MBNL2: variants seen among roughly 807,000 people sequenced by gnomAD.
MBNL2 encodes the protein muscleblind-like protein 2.
In MBNL2, 17 loss-of-function variants were observed where a neutral mutation model predicts 41.9. The observed-to-expected ratio is 0.41, with a 90% CI of 0.28 to 0.61. The LOEUF is 0.61. MBNL2 is among the 20% of genes least tolerant of loss of function. The pLI is 0.35. For synonymous variants in MBNL2, 195 were observed against 182.9 expected, an observed-to-expected ratio of 1.07 and a Z score of -0.53; for missense variants, 336 against 505.6, an observed-to-expected ratio of 0.66 and a Z score of 3.22.
At chr13:97,370,655 G>A (rs2064275936) in intron 8 of MBNL2, among the ~76,000 whole-genome samples, 1 of 141,824 alleles carries the variant, frequency 7.1e-6, no homozygotes, top group South Asian at 2.2e-4. Flanking sequence ...GCCAACAAGA[G>A]GGAAACTCCG....
chr13:97,219,495 A>AG (rs201945874), upstream of MBNL2, among the ~76,000 whole-genome samples: 1,932 of 152,340 alleles, frequency 0.013, 47 homozygotes, highest in African/African-American at 0.043. Flanking sequence ...GTCCAACGTC[A>AG]GAGTGCCAGC....
Position 97,278,251 on chromosome 13 carries a change from C to CAAAAAAAAAA in MBNL2, c.174+1859_174+1868dup, listed in dbSNP as rs10606011. On this transcript the variant is annotated intron_variant, in intron 2 of 8. Transcript: ENST00000679496. ...CCTGGGTGATAGAGTGAGACTGTCT[C>CAAAAAAAAAA]AAAAAAAAAAAAAAAAAAAAAAAAA... Among the ~76,000 whole-genome samples the CAAAAAAAAAA allele has an allele frequency of 1.2e-3, 48 of 40,530 alleles. 2 individuals are homozygous for CAAAAAAAAAA. The highest frequency in any genetic ancestry group is 5.1e-3 in the African/African-American group (45 of 8,834). 26.6% of individuals were successfully genotyped at this position (40,530 alleles called of 152,430 possible).
At chr13:97,167,883 A>T in the MBNL2 span, among the ~76,000 whole-genome samples, 2 of 152,182 alleles carry the variant, frequency 1.3e-5, no homozygotes, top group Non-Finnish European at 2.9e-5. Flanking sequence ...TATTTGTCAA[A>T]TTAAATTAAT....
chr13:97,266,174 G>A (rs2049745958), intron 1 of MBNL2, among the ~76,000 whole-genome samples: 2 of 152,030 alleles, frequency 1.3e-5, no homozygotes, highest in Admixed American at 6.6e-5. Context: ...CCTGGGAGGC[G>A]GAGGTTGCAG....
At chr13:97,354,328 T>A (rs1459844953) in intron 5 of MBNL2, among the ~76,000 whole-genome samples, 5 of 152,202 alleles carry the variant, frequency 3.3e-5, no homozygotes, top group Non-Finnish European at 7.3e-5. Flanking sequence ...AAACTGAGCA[T>A]CTGTATATGA....
At chr13:97,386,188 A>G (rs1014093216) in intron 8 of MBNL2, among the ~76,000 whole-genome samples, 1 of 152,194 alleles carries the variant, frequency 6.6e-6, no homozygotes, top group Admixed American at 6.5e-5. Flanking sequence ...TCTCACTCTT[A>G]CCACTGCTGC....
chr13:97,239,221 C>A (rs2043829593), intron 1 of MBNL2, among the ~76,000 whole-genome samples: 1 of 152,226 alleles, frequency 6.6e-6, no homozygotes, highest in South Asian at 2.1e-4. Flanking sequence ...AGGGTATCAG[C>A]AAAGGCTAAT....
chr13:97,179,905 G>A, the MBNL2 span, among the ~76,000 whole-genome samples: 1 of 152,214 alleles, frequency 6.6e-6, no homozygotes, highest in Admixed American at 6.5e-5. Context: ...ATGTCACAGG[G>A]CCTTTTGTTC....
chr13:97,245,284 G>A (rs557425367), intron 1 of MBNL2, among the ~76,000 whole-genome samples: 1 of 152,276 alleles, frequency 6.6e-6, no homozygotes, highest in East Asian at 1.9e-4. Context: ...AGAAGTTTTT[G>A]GGTGCCAAGT....
intron 1 of MBNL2, among the ~76,000 whole-genome samples, chr13:97,267,919 G>A (rs549013104): frequency 1.3e-5 from 2 of 152,320 alleles, no homozygotes; most frequent in South Asian, 2.1e-4. Flanking sequence ...GCACACAGAA[G>A]GCAAGGAATG....
intron 2 of MBNL2, among the ~76,000 whole-genome samples, chr13:97,299,646 C>CTATA (rs915628745): frequency 1.2e-5 from 1 of 84,428 alleles, no homozygotes; most frequent in African/African-American, 3.9e-5. Context: ...GGTAGAATTA[C>CTATA]TATATCTATC....
chr13:97,177,852 G>C, the MBNL2 span, among the ~76,000 whole-genome samples: 1 of 152,144 alleles, frequency 6.6e-6, no homozygotes, highest in Non-Finnish European at 1.5e-5. Flanking sequence ...ACAGTATTGA[G>C]GGCTAGAAGA....
chr13:97,332,799 C>T (rs1028893225), intron 2 of MBNL2, among the ~76,000 whole-genome samples: 2 of 152,188 alleles, frequency 1.3e-5, no homozygotes, highest in African/African-American at 4.8e-5. Flanking sequence ...GTTATAGACT[C>T]TTATTAACAG....
chr13:97,145,967 T>C, the MBNL2 span, among the ~76,000 whole-genome samples: 1 of 116,852 alleles, frequency 8.6e-6, no homozygotes, highest in South Asian at 2.3e-4. Context: ...CTCTTTTCTT[T>C]TCTTTTCTTT....
intron 3 of MBNL2, among the ~76,000 whole-genome samples, chr13:97,337,845 G>A (rs1388606352): frequency 6.6e-6 from 1 of 152,124 alleles, no homozygotes; most frequent in African/African-American, 2.4e-5. Flanking sequence ...ATGAATCAGT[G>A]ACCTAGTAGA....
chr13:97,311,585 C>T (rs879038665), intron 2 of MBNL2, among the ~76,000 whole-genome samples: 3 of 152,046 alleles, frequency 2.0e-5, no homozygotes, highest in Non-Finnish European at 4.4e-5. Flanking sequence ...ACAAAAATAG[C>T]AAACTGAAAT....
intron 1 of MBNL2, among the ~76,000 whole-genome samples, chr13:97,271,332 T>C (rs1282699391): frequency 2.0e-5 from 3 of 152,110 alleles, no homozygotes; most frequent in Non-Finnish European, 4.4e-5. Context: ...GGTATCAAAC[T>C]CCTGGCCTCA....
intron 1 of MBNL2, among the ~76,000 whole-genome samples, chr13:97,241,394 A>G (rs764254578): frequency 4.2e-4 from 64 of 152,204 alleles, no homozygotes; most frequent in Non-Finnish European, 7.6e-4. Flanking sequence ...AACGTGAAAA[A>G]AATTCAAAAC....
the MBNL2 span, among the ~76,000 whole-genome samples, chr13:97,214,363 A>C: frequency 6.3e-3 from 955 of 152,194 alleles, 10 homozygotes; most frequent in African/African-American, 0.022. Context: ...CCAATTTCCT[A>C]CTCATCCTGT....
Sources: allele counts gnomAD v4.1 joint callset (sites outside exome capture counted in the v4.1 genomes callset), GRCh38; gene constraint gnomAD v4.1.1; transcripts MANE v1.5; gene names NCBI Gene and HGNC (gene_info 2026-07-23, HGNC 2026-07-21).